Variants in PTPRO observed in about 807,000 individuals in gnomAD.
PTPRO encodes the protein protein tyrosine phosphatase receptor type O.
Under a neutral mutation model 145.2 loss-of-function variants are expected in PTPRO, and 62 were observed. That is an observed-to-expected ratio of 0.43 (90% CI 0.35 to 0.53). PTPRO has a LOEUF of 0.53. Among genes scored for constraint, PTPRO ranks in the 20% least tolerant of loss-of-function variants. The pLI, the probability that PTPRO is intolerant of heterozygous loss-of-function variation, is 0.01. For missense variants in PTPRO, 1,345 were observed against 1,482.7 expected (o/e 0.91, Z 1.53); for synonymous variants, 565 against 514.7 (o/e 1.10, Z -1.32).
At chr12:15,444,293 C>G (rs562654237) in intron 1 of PTPRO, among the ~76,000 whole-genome samples, 1 of 151,818 alleles carries the variant, frequency 6.6e-6, no homozygotes, top group Admixed American at 6.6e-5. Context: ...CCAGTACTCA[C>G]GGACATAAAG....
intron 12 of PTPRO, among the ~76,000 whole-genome samples, chr12:15,530,712 G>T (rs889635199): frequency 1.3e-5 from 2 of 151,934 alleles, no homozygotes; most frequent in African/African-American, 4.8e-5. Flanking sequence ...AAAATCTGTG[G>T]GATATAGCAA....
At chr12:15,409,539 C>T (rs1387012469) in intron 1 of PTPRO, among the ~76,000 whole-genome samples, 2 of 152,138 alleles carry the variant, frequency 1.3e-5, no homozygotes, top group African/African-American at 2.4e-5. Context: ...GCTATTCTTA[C>T]ATTGCTATAA....
rs190509011 is a variant in PTPRO, at chr12:15,408,073, G to A, written c.76-75901G>A. Reference sequence around the variant, plus strand: ...CAGTCTCTAGGATTGAGATACTATTGTTCTAAGAAAGAATGTATATTTTAT... The same window carrying A: ...CAGTCTCTAGGATTGAGATACTATTATTCTAAGAAAGAATGTATATTTTAT... On this transcript the variant is annotated intron_variant, in intron 1 of 26. Transcript: ENST00000281171. Among the ~76,000 whole-genome samples, 542 of 152,066 alleles carry A rather than the reference G, an allele frequency of 3.6e-3. 2 individuals are homozygous for A. Among genetic ancestry groups the A allele is most frequent in the Non-Finnish European group, 6.2e-3 (419 of 67,982 alleles).
chr12:15,536,643 C>G (rs141014119), intron 12 of PTPRO, among the ~76,000 whole-genome samples: 1 of 152,290 alleles, frequency 6.6e-6, no homozygotes. Context: ...CACTGGGTCA[C>G]TCTGGTGATA....
chr12:15,397,757 C>T (rs1299185267), intron 1 of PTPRO, among the ~76,000 whole-genome samples: 1 of 152,174 alleles, frequency 6.6e-6, no homozygotes, highest in Non-Finnish European at 1.5e-5. Flanking sequence ...TACATTCTAT[C>T]AGTTCTATGT....
At chr12:15,324,481 G>C (rs1866389923) in intron 1 of PTPRO, among the ~76,000 whole-genome samples, 1 of 152,198 alleles carries the variant, frequency 6.6e-6, no homozygotes, top group African/African-American at 2.4e-5. Context: ...GAAAATGTTA[G>C]TGATTGTCAT....
At chr12:15,506,821 TA>T (rs1942330394) in intron 6 of PTPRO, among the ~76,000 whole-genome samples, 1 of 152,230 alleles carries the variant, frequency 6.6e-6, no homozygotes, top group South Asian at 2.1e-4. Context: ...TCTTCAATTC[TA>T]AAATTCCATG....
chr12:15,355,243 A>G (rs148487623), intron 1 of PTPRO, among the ~76,000 whole-genome samples: 217 of 152,264 alleles, frequency 1.4e-3, no homozygotes, highest in African/African-American at 4.8e-3. Flanking sequence ...TTACTCCCCA[A>G]AATCTTCCCC....
At chr12:15,578,202 GGC>G (rs1426340397) in intron 19 of PTPRO, among the ~76,000 whole-genome samples, 1 of 151,790 alleles carries the variant, frequency 6.6e-6, no homozygotes, top group Non-Finnish European at 1.5e-5. Flanking sequence ...CTTTCTCTAA[GGC>G]TCATTGCCTA....
At chr12:15,367,251 A>G (rs1234523543) in intron 1 of PTPRO, among the ~76,000 whole-genome samples, 1 of 152,212 alleles carries the variant, frequency 6.6e-6, no homozygotes, top group African/African-American at 2.4e-5. Context: ...GTGCAAGATA[A>G]TAAGAAGCAC....
chr12:15,322,710 TC>T lies in PTPRO; in HGVS notation c.-13del. 6.2e-7 allele frequency: 1 copy of T among 1,606,300 alleles called. No individual in the cohort carries two copies. On this transcript the variant is annotated 5_prime_UTR_variant, in exon 1 of 27. Coordinates refer to ENST00000281171, the MANE Select transcript of PTPRO (RefSeq NM_030667.3). The surrounding 1 kb of genome is among the most constrained non-coding windows in gnomAD (Gnocchi z 6.3). Reference sequence around the variant, plus strand: ...CCGCTAGCGCAGCCGTGCCCCCGAGTCCCCGTCCGCGCAGCGATGGGGCACC... The same window carrying T: ...CCGCTAGCGCAGCCGTGCCCCCGAGTCCCGTCCGCGCAGCGATGGGGCACC...
intron 2 of PTPRO, among the ~76,000 whole-genome samples, chr12:15,488,968 G>A (rs1941945866): frequency 2.0e-5 from 3 of 152,112 alleles, no homozygotes; most frequent in African/African-American, 7.2e-5. Flanking sequence ...TGTCAGTGAA[G>A]TTCTACAGAT....
chr12:15,526,753 T>C (rs2136528960), intron 12 of PTPRO, among the ~76,000 whole-genome samples: 1 of 152,150 alleles, frequency 6.6e-6, no homozygotes, highest in African/African-American at 2.4e-5. Flanking sequence ...CCTAAATATA[T>C]GGTCAGACAC....
At chr12:15,566,633 G>A (rs528965959) in intron 18 of PTPRO, among the ~76,000 whole-genome samples, 39 of 152,202 alleles carry the variant, frequency 2.6e-4, no homozygotes, top group African/African-American at 7.5e-4. Context: ...TGATTCTCCT[G>A]CCTCAGCCTC....
rs1032250242 is a variant in PTPRO at position 15,361,300 on chromosome 12, G to T, written c.75+38499G>T. On this transcript the variant is annotated intron_variant, in intron 1 of 26. Coordinates refer to ENST00000281171, the MANE Select transcript of PTPRO (RefSeq NM_030667.3). ...AAAATACAACAAAAATTAGCCTGGC[G>T]TAGTGGCTCATGCCTGTAATCTCAA... 4.0e-5 allele frequency among the ~76,000 whole-genome samples: 6 copies of T among 151,512 alleles called. No homozygotes were observed. In the East Asian group the frequency reaches 5.9e-4, roughly 15 times the overall value.
At chr12:15,487,339 T>G (rs1235284001) in intron 2 of PTPRO, among the ~76,000 whole-genome samples, 1 of 152,144 alleles carries the variant, frequency 6.6e-6, no homozygotes, top group Non-Finnish European at 1.5e-5. Flanking sequence ...TTTGTATTAG[T>G]GCAGGACTCT....
intron 1 of PTPRO, among the ~76,000 whole-genome samples, chr12:15,466,684 C>T (rs556457642): frequency 6.6e-6 from 1 of 152,248 alleles, no homozygotes; most frequent in Non-Finnish European, 1.5e-5. Flanking sequence ...GTGTCCTTCT[C>T]CCATTTTATA....
chr12:15,513,221 G>GA (rs1225404654), intron 7 of PTPRO, among the ~76,000 whole-genome samples: 1 of 112,548 alleles, frequency 8.9e-6, no homozygotes, highest in African/African-American at 3.3e-5. Context: ...AAGAAAGAAA[G>GA]AAAGAAAAGA....
intron 1 of PTPRO, among the ~76,000 whole-genome samples, chr12:15,481,796 G>C (rs1941783622): frequency 6.6e-6 from 1 of 152,146 alleles, no homozygotes. Flanking sequence ...ACAAGAAAAA[G>C]TCAGTACATT....
Sources: allele counts gnomAD v4.1 joint callset (sites outside exome capture counted in the v4.1 genomes callset), GRCh38; gene constraint gnomAD v4.1.1; non-coding constraint Gnocchi (gnomAD v3.1); transcripts MANE v1.5; gene names NCBI Gene and HGNC (gene_info 2026-07-23, HGNC 2026-07-21).